The following GRHL2 variants were observed in gnomAD, a reference collection of about 807,000 sequenced individuals.
The protein encoded by GRHL2 is grainyhead like transcription factor 2, also known as grainyhead-like protein 2 homolog.
In GRHL2, 21 loss-of-function variants were observed where a neutral mutation model predicts 83.8. That is an observed-to-expected ratio of 0.25 (90% CI 0.18 to 0.36). The LOEUF is 0.36. Among genes scored for constraint, GRHL2 ranks in the 10% least tolerant of loss-of-function variants. GRHL2 has a pLI of 1.00. For missense variants in GRHL2, 623 were observed against 781.8 expected (o/e 0.80, Z 2.42); for synonymous variants, 280 against 278.9 (o/e 1.00, Z -0.04).
chr8:101,552,266 C>T (rs777604661), intron 2 of GRHL2, among the ~76,000 whole-genome samples: 1 of 152,228 alleles, frequency 6.6e-6, no homozygotes, highest in African/African-American at 2.4e-5. Context: ...CACTCCCAAC[C>T]ACGTCAGCAC....
chr8:101,680,782 C>T, the GRHL2 span, among the ~76,000 whole-genome samples: 18 of 127,314 alleles, frequency 1.4e-4, no homozygotes, highest in Non-Finnish European at 2.4e-4. Flanking sequence ...TCACTCAAAG[C>T]CGCTCAACTA....
At chr8:101,645,727 T>G (rs892986905) in intron 13 of GRHL2, among the ~76,000 whole-genome samples, 13 of 152,160 alleles carry the variant, frequency 8.5e-5, no homozygotes, top group African/African-American at 2.7e-4. Flanking sequence ...GCACTCCGTG[T>G]TCGCTGTTGT....
At chr8:101,585,292 T>TA (rs1052176666) in intron 7 of GRHL2, among the ~76,000 whole-genome samples, 2 of 152,240 alleles carry the variant, frequency 1.3e-5, no homozygotes, top group African/African-American at 4.8e-5. Context: ...TTCCCTCCTT[T>TA]AAAAATAACT....
At chr8:101,536,519 C>T (rs1411578334) in intron 1 of GRHL2, among the ~76,000 whole-genome samples, 1 of 152,192 alleles carries the variant, frequency 6.6e-6, no homozygotes, top group Middle Eastern at 3.2e-3. Context: ...GGATACTTCT[C>T]CATTTTATAG....
At chr8:101,560,323 C>T (rs925606730) in intron 4 of GRHL2, among the ~76,000 whole-genome samples, 5 of 152,176 alleles carry the variant, frequency 3.3e-5, no homozygotes, top group Admixed American at 6.5e-5. Context: ...CCACTACGCC[C>T]AGCCTTGTTG....
At chr8:101,671,029 C>T (rs1814196576), downstream of GRHL2, among the ~76,000 whole-genome samples, 2 of 152,236 alleles carry the variant, frequency 1.3e-5, no homozygotes, top group Middle Eastern at 3.4e-3. Context: ...TGAAAAGGCA[C>T]CAAGGGGGGT....
At chr8:101,521,787 G>A (rs549420125) in intron 1 of GRHL2, among the ~76,000 whole-genome samples, 3 of 152,258 alleles carry the variant, frequency 2.0e-5, no homozygotes, top group South Asian at 4.1e-4. Context: ...ATAAAAAAAA[G>A]TTTTAAAAAT....
intron 14 of GRHL2, among the ~76,000 whole-genome samples, chr8:101,650,428 T>A (rs1813598880): frequency 6.6e-6 from 1 of 152,170 alleles, no homozygotes; most frequent in Non-Finnish European, 1.5e-5. Flanking sequence ...TGATGGACAT[T>A]GGAATTTTTC....
intron 1 of GRHL2, among the ~76,000 whole-genome samples, chr8:101,506,288 A>G (rs2129988002): frequency 6.6e-6 from 1 of 152,342 alleles, no homozygotes; most frequent in Non-Finnish European, 1.5e-5. Flanking sequence ...TGAAAATAAT[A>G]TATGCTTATG....
chr8:101,652,613 GGTGT>G (rs141292154), intron 14 of GRHL2, among the ~76,000 whole-genome samples: 1 of 123,694 alleles, frequency 8.1e-6, no homozygotes, highest in South Asian at 2.5e-4. Flanking sequence ...GTGTGTGTGT[GGTGT>G]GTGTGTGTGT....
chr8:101,555,133 A>G (rs1486434166), intron 3 of GRHL2, among the ~76,000 whole-genome samples: 3 of 152,228 alleles, frequency 2.0e-5, no homozygotes, highest in East Asian at 3.8e-4. Flanking sequence ...CTTTGCCCCA[A>G]ATGGACTCTA....
intron 2 of GRHL2, 124 bp from the exon 3 acceptor site, chr8:101,552,591 A>G: frequency 1.2e-6 from 1 of 852,186 alleles, no homozygotes; most frequent in Non-Finnish European, 2.0e-6. Flanking sequence ...TGGTGATAGC[A>G]ACTTTTCCAC....
chr8:101,635,822 G>A (rs1813272734), intron 11 of GRHL2, among the ~76,000 whole-genome samples: 2 of 152,192 alleles, frequency 1.3e-5, no homozygotes, highest in African/African-American at 4.8e-5. Flanking sequence ...CTAATGACTA[G>A]AATGACTCAT....
Position 101,499,924 on chromosome 8 carries a change from A to C in GRHL2, c.20+7135A>C, listed in dbSNP as rs1262147750. 3.3e-5 allele frequency among the ~76,000 whole-genome samples: 5 copies of C among 152,042 alleles called. No individual in the cohort carries two copies. The East Asian group carries it at 9.6e-4, about 29-fold the overall frequency. On this transcript the variant is annotated intron_variant, in intron 1 of 15. Coordinates refer to ENST00000646743, the MANE Select transcript of GRHL2 (RefSeq NM_024915.4). ...AACCCCGTCTTTAGTAATAACACAAAAATTAGCCAGGCATGGTGGCACGTG... is the reference window on the plus strand; with the variant it reads ...AACCCCGTCTTTAGTAATAACACAACAATTAGCCAGGCATGGTGGCACGTG...
chr8:101,564,812 C>CA (rs3035637), intron 4 of GRHL2, among the ~76,000 whole-genome samples: 22,862 of 109,772 alleles, frequency 0.21, 3,075 homozygotes, highest in South Asian at 0.34. Context: ...GCCCTGTCTC[C>CA]AAAAAAAAAA....
At chr8:101,537,607 T>C (rs1037842748) in intron 1 of GRHL2, among the ~76,000 whole-genome samples, 2 of 152,198 alleles carry the variant, frequency 1.3e-5, no homozygotes, top group African/African-American at 4.8e-5. Flanking sequence ...CAAATGTAAA[T>C]ATCTGAGTGA....
At chr8:101,616,386 G>A (rs1413363891) in intron 8 of GRHL2, among the ~76,000 whole-genome samples, 1 of 152,022 alleles carries the variant, frequency 6.6e-6, no homozygotes, top group Non-Finnish European at 1.5e-5. Context: ...GGCCGGGCTG[G>A]TCTCGAACTC....
At chr8:101,639,363 T>C (rs1272060883) in intron 12 of GRHL2, among the ~76,000 whole-genome samples, 1 of 152,244 alleles carries the variant, frequency 6.6e-6, no homozygotes, top group Non-Finnish European at 1.5e-5. Flanking sequence ...TTAACATTAC[T>C]GGATACCTTG....
At chr8:101,643,900 C>T (rs1051339347) in intron 12 of GRHL2, among the ~76,000 whole-genome samples, 4 of 152,202 alleles carry the variant, frequency 2.6e-5, no homozygotes, top group Non-Finnish European at 4.4e-5. Context: ...ATCCATATTC[C>T]GCAGTGGGAA....
Sources: allele counts gnomAD v4.1 joint callset (sites outside exome capture counted in the v4.1 genomes callset), GRCh38; gene constraint gnomAD v4.1.1; transcripts MANE v1.5; gene names NCBI Gene and HGNC (gene_info 2026-07-23, HGNC 2026-07-21).